Variants in USP38 observed in about 807,000 individuals in gnomAD.
The protein encoded by USP38 is ubiquitin carboxyl-terminal hydrolase 38.
A neutral mutation model predicts 94.3 loss-of-function variants in USP38; 49 were observed. The ratio of observed to expected loss-of-function variants is 0.52; its 90% CI spans 0.41 to 0.66. The LOEUF is 0.66. Among genes scored for constraint, USP38 ranks in the 30% least tolerant of loss-of-function variants. The probability of loss-of-function intolerance (pLI) is 0.00; values close to 1 mark genes in which losing one functional copy is unlikely to be tolerated. For synonymous variants in USP38, 468 were observed against 463.6 expected (o/e 1.01, Z -0.12); for missense variants, 1,128 against 1,229.4 (o/e 0.92, Z 1.23).
intron 4 of USP38, 36 bp from the exon 5 acceptor site, chr4:143,203,372 A>G (rs866046850): frequency 6.3e-7 from 1 of 1,587,450 alleles, no homozygotes. Flanking sequence ...ACCAATTTGT[A>G]TAAATTCAGC....
chr4:143,190,593 C>A (rs916481526), intron 2 of USP38, among the ~76,000 whole-genome samples: 1 of 152,062 alleles, frequency 6.6e-6, no homozygotes, highest in Admixed American at 6.5e-5. Context: ...TTCTAGATAT[C>A]TGGTCACAAA....
intron 2 of USP38, among the ~76,000 whole-genome samples, chr4:143,194,894 CTTT>C (rs58872769): frequency 2.1e-5 from 3 of 142,418 alleles, no homozygotes; most frequent in Non-Finnish European, 3.1e-5. Context: ...TCCTATATTA[CTTT>C]TTTTTTTTTT....
At position 143,214,422 on chromosome 4, in the gene USP38, C is replaced by A. The variant is rs376757488; in HGVS notation, c.2446C>A (p.Leu816Ile). 1.2e-6 allele frequency: 2 copies of A among 1,613,782 alleles called. No homozygotes were observed. Among genetic ancestry groups the A allele is most frequent in the South Asian group, 2.2e-5 (2 of 91,068 alleles). ...GTCTGTAGATGTTGACTTCACTGAT[C>A]TTAGTGAGAACCTTGCTAAAAAATT... ...SWSVDVDFTD[L>I]SENLAKKLKP... Residue 816 changes from leucine (L) to isoleucine (I), a missense_variant, in exon 9 of 10, where the codon CTT (leucine) becomes ATT (isoleucine). Leu to Ile is a conservative substitution (Grantham distance 5). Transcript: ENST00000307017.
intron 9 of USP38, among the ~76,000 whole-genome samples, chr4:143,217,957 TC>T (rs1441338828): frequency 6.6e-6 from 1 of 152,104 alleles, no homozygotes; most frequent in Non-Finnish European, 1.5e-5. Flanking sequence ...ATTAGGAGTA[TC>T]TCCATTGTTT....
chr4:143,217,812 C>CAG (rs1279276589), intron 9 of USP38, among the ~76,000 whole-genome samples: 1 of 152,180 alleles, frequency 6.6e-6, no homozygotes, highest in Non-Finnish European at 1.5e-5. Flanking sequence ...AAACCATTCT[C>CAG]TACTCTGTGT....
At chr4:143,197,132 C>G (rs1386932586) in intron 3 of USP38, among the ~76,000 whole-genome samples, 2 of 152,204 alleles carry the variant, frequency 1.3e-5, no homozygotes, top group African/African-American at 4.8e-5. Flanking sequence ...ACTTACACTG[C>G]CCTTTTTTCT....
chr4:143,190,461 G>A (rs1388635617), intron 2 of USP38, among the ~76,000 whole-genome samples: 1 of 151,974 alleles, frequency 6.6e-6, no homozygotes, highest in Non-Finnish European at 1.5e-5. Context: ...AGTCACCAAT[G>A]AAGAAACAAA....
intron 2 of USP38, among the ~76,000 whole-genome samples, chr4:143,190,397 T>C (rs1384212062): frequency 6.6e-6 from 1 of 152,116 alleles, no homozygotes; most frequent in Non-Finnish European, 1.5e-5. Context: ...CTCGTTCAGG[T>C]AATAAACAGT....
intron 9 of USP38, 35 bp from the exon 10 acceptor site, chr4:143,220,260 C>T: frequency 1.3e-6 from 2 of 1,581,914 alleles, no homozygotes; most frequent in South Asian, 2.3e-5. Context: ...TTGTATTTAG[C>T]ATTTTAATTT....
intron 2 of USP38, among the ~76,000 whole-genome samples, chr4:143,192,965 G>A (rs1444204351): frequency 6.6e-6 from 1 of 152,084 alleles, no homozygotes; most frequent in Non-Finnish European, 1.5e-5. Flanking sequence ...ATGGCCAAGT[G>A]GAATTTTCTA....
At chr4:143,186,387 C>T (rs896587221) in intron 1 of USP38, among the ~76,000 whole-genome samples, 3 of 152,202 alleles carry the variant, frequency 2.0e-5, no homozygotes, top group Non-Finnish European at 2.9e-5. Flanking sequence ...AAACAAGTTG[C>T]TTAATTACCC....
chr4:143,216,936 A>C lies in USP38; in HGVS notation c.2967+1993A>C, dbSNP rs370664497. On this transcript the variant is annotated intron_variant, in intron 9 of 9. Coordinates refer to ENST00000307017, the MANE Select transcript of USP38 (RefSeq NM_032557.6). ...GCAAATCTCAGGTCTCGGATAACCA[A>C]GTAGCTGGGATTACAGGCATACGCC... Among the ~76,000 whole-genome samples, 32 of 152,200 alleles carry C rather than the reference A, an allele frequency of 2.1e-4. No individual in the cohort carries two copies. The South Asian group carries it at 6.6e-3, about 32-fold the overall frequency.
At chr4:143,193,067 T>C (rs1731444000) in intron 2 of USP38, among the ~76,000 whole-genome samples, 3 of 152,196 alleles carry the variant, frequency 2.0e-5, no homozygotes, top group Admixed American at 2.0e-4. Context: ...TCTGACAGTG[T>C]GACTTCCCAT....
At chr4:143,206,003 TA>T in intron 5 of USP38, 29 bp from the exon 6 acceptor site, 1 of 1,436,764 alleles carries the variant, frequency 7.0e-7, no homozygotes. Flanking sequence ...ACTTTACTTT[TA>T]AACTGTTTTT....
intron 8 of USP38, among the ~76,000 whole-genome samples, chr4:143,213,123 AC>A (rs1732072791): frequency 6.6e-6 from 1 of 152,102 alleles, no homozygotes; most frequent in Non-Finnish European, 1.5e-5. Flanking sequence ...TCGCCTGACC[AC>A]TTAATTAATA....
At chr4:143,199,768 G>A (rs1310681968) in intron 4 of USP38, among the ~76,000 whole-genome samples, 1 of 151,876 alleles carries the variant, frequency 6.6e-6, no homozygotes, top group Non-Finnish European at 1.5e-5. Flanking sequence ...CTTGTTGGCT[G>A]CATATATGTC....
intron 3 of USP38, 52 bp downstream of exon 3, chr4:143,195,897 A>G: frequency 6.7e-7 from 1 of 1,482,286 alleles, no homozygotes; most frequent in Non-Finnish European, 9.0e-7. Flanking sequence ...TAAAATCAAT[A>G]TTTTTTTCTT....
Position 143,221,928 on chromosome 4 carries a change from A to G in USP38, c.*1472A>G, listed in dbSNP as rs1461829027. 6.6e-6 allele frequency: 1 copy of G among 152,046 alleles called. No homozygotes were observed. 9.4% of individuals were successfully genotyped at this position (152,046 alleles called of 1,614,324 possible). The stretch of plus-strand genomic sequence containing the variant: ...ATTAGGAAGGCAGATTAGATTAAAA[A>G]CTGAAAATTCTTTGCAGATTTAATG... On this transcript the variant is annotated 3_prime_UTR_variant, in exon 10 of 10. Transcript: ENST00000307017.
At chr4:143,204,138 T>C (rs1731794600) in intron 5 of USP38, among the ~76,000 whole-genome samples, 1 of 151,894 alleles carries the variant, frequency 6.6e-6, no homozygotes, top group South Asian at 2.1e-4. Context: ...CCTGCCACCA[T>C]GCCCGGCTAA....
Sources: gnomAD v4.1 joint callset for allele counts (sites outside exome capture counted in the v4.1 genomes callset) on GRCh38, gnomAD v4.1.1 for gene constraint, MANE v1.5 for transcripts, NCBI Gene and HGNC (gene_info 2026-07-23, HGNC 2026-07-21) for gene names.